PRTG: variants seen among roughly 807,000 people sequenced by gnomAD.
The protein encoded by PRTG is immunoglobulin superfamily, DCC subclass, member 5.
Under a neutral mutation model 122.5 loss-of-function variants are expected in PRTG, and 67 were observed. The observed-to-expected ratio is 0.55, with a 90% CI of 0.45 to 0.67. The LOEUF is 0.67. Among genes scored for constraint, PRTG ranks in the 30% least tolerant of loss-of-function variants. PRTG has a pLI of 0.00. For synonymous variants in PRTG, 554 were observed against 501.1 expected (o/e 1.11, Z -1.41); for missense variants, 1,435 against 1,415.4 (o/e 1.01, Z -0.22).
intron 10 of PRTG, 45 bp downstream of exon 10, chr15:55,673,326 A>G (rs1328800753): frequency 1.4e-6 from 2 of 1,387,192 alleles, no homozygotes; most frequent in Non-Finnish European, 9.9e-7. Context: ...AACTTGATTC[A>G]AAAGTAAAAA....
At chr15:55,669,250 T>C (rs556119584) in intron 11 of PRTG, among the ~76,000 whole-genome samples, 30 of 152,250 alleles carry the variant, frequency 2.0e-4, no homozygotes, top group African/African-American at 6.7e-4. Context: ...GTTACTCAAA[T>C]TGACATTGAA....
chr15:55,631,045 G>T (rs985885403), intron 15 of PRTG, among the ~76,000 whole-genome samples: 1 of 152,164 alleles, frequency 6.6e-6, no homozygotes, highest in African/African-American at 2.4e-5. Context: ...GTCACACGGT[G>T]TGAGGCAGCC....
At chr15:55,731,672 C>T (rs1303413188) in intron 2 of PRTG, among the ~76,000 whole-genome samples, 1 of 151,992 alleles carries the variant, frequency 6.6e-6, no homozygotes, top group Non-Finnish European at 1.5e-5. Context: ...CCCAGCCACA[C>T]CTTACCATTC....
intron 11 of PRTG, among the ~76,000 whole-genome samples, chr15:55,670,246 A>G (rs1436385056): frequency 7.7e-5 from 1 of 13,066 alleles, no homozygotes; most frequent in Non-Finnish European, 5.5e-3. Context: ...TCACAACCCA[A>G]GTTTTTTTCT....
At chr15:55,653,654 G>A (rs575865034) in intron 11 of PRTG, among the ~76,000 whole-genome samples, 1 of 152,184 alleles carries the variant, frequency 6.6e-6, no homozygotes, top group South Asian at 2.1e-4. Context: ...AGTAGAGACG[G>A]GGTTTTGCCC....
At chr15:55,625,626 CTTT>C (rs562628240) in intron 17 of PRTG, among the ~76,000 whole-genome samples, 1 of 140,290 alleles carries the variant, frequency 7.1e-6, no homozygotes. Context: ...CTAATTTTAA[CTTT>C]TTTTTTTTTT....
chr15:55,629,034 A>G (rs1340645769), intron 15 of PRTG, 30 bp from the exon 16 acceptor site: 1 of 1,473,954 alleles, frequency 6.8e-7, no homozygotes, highest in South Asian at 1.3e-5. Flanking sequence ...AAATTAAGTG[A>G]ACATTTATCT....
At chr15:55,621,917 T>C (rs1228182763) in intron 18 of PRTG, among the ~76,000 whole-genome samples, 1 of 152,190 alleles carries the variant, frequency 6.6e-6, no homozygotes, top group Non-Finnish European at 1.5e-5. Context: ...CTCTCAACTT[T>C]TCTGTATGTT....
rs369789971 is a variant in PRTG at position 55,624,394 on chromosome 15, T to C, written c.3041A>G (p.Asn1014Ser). ...GATCATTGGCATTAAAGATTCTTCATTTCCTACAGCTCCTTCCAGGTTCTT... is the reference window on the plus strand; with the variant it reads ...GATCATTGGCATTAAAGATTCTTCACTTCCTACAGCTCCTTCCAGGTTCTT... ...VGKNLEGAVG[N>S]EESLMPMIMP... Residue 1014 changes from asparagine to serine, a missense_variant, in exon 18 of 20, where the codon AAT becomes AGT. Physicochemically the swap from Asn to Ser is conservative, Grantham distance 46. Transcript: ENST00000389286. The C allele has an allele frequency of 3.7e-6, 6 of 1,613,974 alleles. No homozygotes were observed. The East Asian group carries it at 8.9e-5, about 24-fold the overall frequency.
chr15:55,686,403 T>C (rs1289042788), intron 2 of PRTG, among the ~76,000 whole-genome samples: 1 of 150,704 alleles, frequency 6.6e-6, no homozygotes, highest in Non-Finnish European at 1.5e-5. Flanking sequence ...TCTTACTTAG[T>C]TTAAATTTTT....
At chr15:55,740,772 G>A in intron 1 of PRTG, 88 bp from the exon 2 acceptor site, 1 of 1,136,074 alleles carries the variant, frequency 8.8e-7, no homozygotes, top group Non-Finnish European at 1.2e-6. Flanking sequence ...ACATATTCAG[G>A]GTATGAGATG....
At chr15:55,689,410 C>A (rs2059587856) in intron 2 of PRTG, among the ~76,000 whole-genome samples, 1 of 151,990 alleles carries the variant, frequency 6.6e-6, no homozygotes, top group Non-Finnish European at 1.5e-5. Context: ...ATGCCAAATA[C>A]ATATTTTAAC....
At chr15:55,679,992 G>A in intron 6 of PRTG, 62 bp downstream of exon 6, 1 of 1,319,372 alleles carries the variant, frequency 7.6e-7, no homozygotes, top group South Asian at 1.3e-5. Flanking sequence ...AGCTATGAAT[G>A]AGATAAAACG....
chr15:55,704,070 A>G (rs1016786127), intron 2 of PRTG, among the ~76,000 whole-genome samples: 4 of 152,224 alleles, frequency 2.6e-5, no homozygotes, highest in Non-Finnish European at 4.4e-5. Flanking sequence ...TGTGGCTCCT[A>G]TGAATTCAAG....
At chr15:55,624,708 C>T (rs2059185499) in intron 17 of PRTG, among the ~76,000 whole-genome samples, 2 of 152,112 alleles carry the variant, frequency 1.3e-5, no homozygotes, top group Admixed American at 6.5e-5. Flanking sequence ...TTTCTTTTTG[C>T]CTCGCTGTCT....
At chr15:55,701,203 TA>T (rs1238063174) in intron 2 of PRTG, among the ~76,000 whole-genome samples, 2 of 152,080 alleles carry the variant, frequency 1.3e-5, no homozygotes, top group Admixed American at 6.6e-5. Context: ...CTTTGGAAAA[TA>T]ACTTGGCAGT....
At chr15:55,659,792 G>A (rs1031203413) in intron 11 of PRTG, among the ~76,000 whole-genome samples, 2 of 151,924 alleles carry the variant, frequency 1.3e-5, no homozygotes, top group African/African-American at 2.4e-5. Context: ...AGTGGTGCAC[G>A]CCTGAAGTCC....
intron 11 of PRTG, among the ~76,000 whole-genome samples, chr15:55,667,137 A>G (rs544734641): frequency 6.6e-6 from 1 of 152,202 alleles, no homozygotes; most frequent in East Asian, 1.9e-4. Context: ...ATATACCTCT[A>G]ATTCATCCAG....
At chr15:55,629,906 C>T (rs2141719664) in intron 15 of PRTG, among the ~76,000 whole-genome samples, 1 of 151,224 alleles carries the variant, frequency 6.6e-6, no homozygotes, top group Admixed American at 6.6e-5. Context: ...TAACCTCCAC[C>T]TCCTGGGTTC....
Sources: gnomAD v4.1 joint callset for allele counts (sites outside exome capture counted in the v4.1 genomes callset) on GRCh38, gnomAD v4.1.1 for gene constraint, MANE v1.5 for transcripts, NCBI Gene and HGNC (gene_info 2026-07-23, HGNC 2026-07-21) for gene names.